The following PHF21B variants were observed in gnomAD, a reference collection of about 807,000 sequenced individuals.
The protein encoded by PHF21B is PHD finger protein 4.
Under a neutral mutation model 62.2 loss-of-function variants are expected in PHF21B, and 22 were observed. That is an observed-to-expected ratio of 0.35 (90% CI 0.25 to 0.51). PHF21B has a LOEUF of 0.51. Among genes scored for constraint, PHF21B ranks in the 20% least tolerant of loss-of-function variants. The probability of loss-of-function intolerance (pLI) is 0.97; values close to 1 mark genes in which losing one functional copy is unlikely to be tolerated. For synonymous variants in PHF21B, 341 were observed against 314.7 expected (o/e 1.08, Z -0.88); for missense variants, 701 against 707.9 (o/e 0.99, Z 0.11).
At chr22:44,966,730 A>C (rs910381814) in intron 2 of PHF21B, among the ~76,000 whole-genome samples, 1 of 152,224 alleles carries the variant, frequency 6.6e-6, no homozygotes, top group Admixed American at 6.5e-5. Context: ...CAGCAAAGCC[A>C]TCAAGACCAA....
At chr22:44,973,768 C>T (rs1037706271) in intron 2 of PHF21B, among the ~76,000 whole-genome samples, 38 of 152,258 alleles carry the variant, frequency 2.5e-4, no homozygotes, top group African/African-American at 9.1e-4. Context: ...AGGGTGGGGT[C>T]GCCATGGGAG....
intron 6 of PHF21B, 62 bp from the exon 7 acceptor site, chr22:44,893,595 C>T: frequency 1.3e-6 from 2 of 1,487,006 alleles, no homozygotes. Flanking sequence ...CCAAATGCTT[C>T]CTTGCCAAGC....
intron 7 of PHF21B, among the ~76,000 whole-genome samples, chr22:44,892,603 A>G (rs561789496): frequency 1.4e-4 from 22 of 152,210 alleles, no homozygotes; most frequent in Non-Finnish European, 3.1e-4. Context: ...CTCGGGGGAC[A>G]TCGTTTCCCT....
chr22:44,918,037 TC>T (rs1345393211), intron 3 of PHF21B, among the ~76,000 whole-genome samples: 1 of 152,238 alleles, frequency 6.6e-6, no homozygotes, highest in African/African-American at 2.4e-5. Context: ...TGCCACTCTG[TC>T]CTTGGCACCA....
intron 2 of PHF21B, among the ~76,000 whole-genome samples, chr22:44,960,520 G>C (rs547996449): frequency 4.3e-4 from 66 of 152,274 alleles, no homozygotes; most frequent in Non-Finnish European, 8.4e-4. Flanking sequence ...TGGGCTGCTG[G>C]TTCTTCCCAT....
chr22:44,925,238 T>C (rs779752547), intron 2 of PHF21B, among the ~76,000 whole-genome samples: 1 of 152,220 alleles, frequency 6.6e-6, no homozygotes, highest in Admixed American at 6.5e-5. Context: ...GGGTTCACAT[T>C]TGTCAAACTT....
intron 2 of PHF21B, among the ~76,000 whole-genome samples, chr22:44,980,196 T>C (rs1228648254): frequency 2.6e-5 from 4 of 151,990 alleles, no homozygotes; most frequent in Admixed American, 2.0e-4. Flanking sequence ...CAGGACATTT[T>C]CACCACTCCA....
At chr22:44,999,747 T>A (rs1042740164) in intron 2 of PHF21B, among the ~76,000 whole-genome samples, 1 of 152,082 alleles carries the variant, frequency 6.6e-6, no homozygotes, top group Non-Finnish European at 1.5e-5. Flanking sequence ...GGTCCAGAAC[T>A]GGACCACGGC....
chr22:44,935,630 AC>A (rs539066981), intron 2 of PHF21B, among the ~76,000 whole-genome samples: 170 of 26,786 alleles, frequency 6.3e-3, no homozygotes, highest in African/African-American at 0.013. Context: ...AAACAAACAA[AC>A]AAAAAAAAAA....
chr22:44,974,552 G>T (rs1028167711), intron 2 of PHF21B, among the ~76,000 whole-genome samples: 1 of 152,072 alleles, frequency 6.6e-6, no homozygotes, highest in Non-Finnish European at 1.5e-5. Flanking sequence ...TCCTACATCC[G>T]TGCAGCTTAC....
intron 2 of PHF21B, among the ~76,000 whole-genome samples, chr22:44,987,874 C>T (rs1241095117): frequency 1.3e-5 from 2 of 152,042 alleles, no homozygotes; most frequent in East Asian, 1.9e-4. Context: ...TCTCCCCCAG[C>T]AGGTGGGTAG....
intron 2 of PHF21B, among the ~76,000 whole-genome samples, chr22:44,951,020 G>C (rs568667280): frequency 5.9e-5 from 9 of 152,228 alleles, no homozygotes; most frequent in African/African-American, 2.2e-4. Context: ...CTGACGTAAA[G>C]CCTGCCGCCA....
chr22:44,949,029 G>A (rs1601632978), intron 2 of PHF21B, among the ~76,000 whole-genome samples: 1 of 152,192 alleles, frequency 6.6e-6, no homozygotes, highest in Non-Finnish European at 1.5e-5. Context: ...GGGGCCGGGC[G>A]CGGTGGCTCA....
intron 2 of PHF21B, among the ~76,000 whole-genome samples, chr22:44,955,495 A>T (rs1210437350): frequency 3.3e-5 from 5 of 152,210 alleles, no homozygotes; most frequent in Non-Finnish European, 7.3e-5. Flanking sequence ...TAGACCCAGC[A>T]AAGAGAATCC....
intron 2 of PHF21B, among the ~76,000 whole-genome samples, chr22:45,004,477 G>A (rs1261572420): frequency 6.6e-6 from 1 of 152,204 alleles, no homozygotes; most frequent in East Asian, 1.9e-4. Context: ...CCATTCCCAC[G>A]ATCTTCCCCT....
In PHF21B at chr22:44,882,574, G is replaced by A. The variant is rs534846391; in HGVS notation, c.*512C>T. ...CACCCCAGGGGGACCTCCTAGGAGC[G>A]TGGGGCATTGAGGAACTACCTAGAT... On this transcript the variant is annotated 3_prime_UTR_variant, in exon 13 of 13. Coordinates refer to ENST00000313237, the MANE Select transcript of PHF21B (RefSeq NM_138415.5). 1 of 143,054 alleles carries A rather than the reference G, an allele frequency of 7.0e-6. No individual in the cohort carries two copies. Among genetic ancestry groups the A allele is most frequent in the African/African-American group, 2.6e-5 (1 of 38,980 alleles). 8.9% of individuals were successfully genotyped at this position (143,054 alleles called of 1,614,324 possible).
intron 2 of PHF21B, chr22:44,933,620 G>C (rs1375429482): frequency 1.2e-6 from 1 of 822,376 alleles, no homozygotes; most frequent in Non-Finnish European, 1.5e-6. Flanking sequence ...AGCGTTAAGT[G>C]GGGTGGGGGA....
chr22:44,927,177 C>T (rs2071649580), intron 2 of PHF21B, among the ~76,000 whole-genome samples: 1 of 152,052 alleles, frequency 6.6e-6, no homozygotes. Context: ...GCTATTTCCA[C>T]TTGATCCTCC....
At chr22:44,922,673 T>C (rs1399428033) in intron 2 of PHF21B, among the ~76,000 whole-genome samples, 1 of 152,138 alleles carries the variant, frequency 6.6e-6, no homozygotes, top group Non-Finnish European at 1.5e-5. Flanking sequence ...TTCTATACAC[T>C]AGGCACCAAC....
Sources: gnomAD v4.1 joint callset for allele counts (sites outside exome capture counted in the v4.1 genomes callset) on GRCh38, gnomAD v4.1.1 for gene constraint, MANE v1.5 for transcripts, NCBI Gene and HGNC (gene_info 2026-07-23, HGNC 2026-07-21) for gene names.